ACOX3: variants seen among roughly 807,000 people sequenced by gnomAD.
ACOX3 encodes the protein acyl-CoA oxidase 3, pristanoyl.
ACOX3 carries 73 observed loss-of-function variants against 81.5 expected under a neutral mutation model. The ratio of observed to expected loss-of-function variants is 0.90; its 90% confidence interval spans 0.74 to 1.09. The LOEUF (loss-of-function observed/expected upper bound fraction) is 1.09, where lower values mean the gene tolerates loss of function less well. Among genes scored for constraint, ACOX3 ranks in the 50% least tolerant of loss-of-function variants. The probability of loss-of-function intolerance (pLI) is 0.00; values close to 1 mark genes in which losing one functional copy is unlikely to be tolerated. For synonymous variants in ACOX3, 387 were observed against 375.1 expected (o/e 1.03, Z -0.37); for missense variants, 947 against 928.0 (o/e 1.02, Z -0.27).
intron 7 of ACOX3, among the ~76,000 whole-genome samples, chr4:8,403,163 A>C (rs1247159382): frequency 6.6e-6 from 1 of 152,252 alleles, no homozygotes; most frequent in Non-Finnish European, 1.5e-5. Context: ...GTCATCCCAC[A>C]TACTCAGGAG....
intron 7 of ACOX3, among the ~76,000 whole-genome samples, chr4:8,402,441 G>A (rs753745973): frequency 3.9e-5 from 6 of 152,164 alleles, no homozygotes; most frequent in African/African-American, 7.2e-5. Context: ...TGGCCCCAGC[G>A]TGCTCCAGCC....
chr4:8,425,268 A>C (rs901777974), intron 1 of ACOX3, among the ~76,000 whole-genome samples: 2 of 152,150 alleles, frequency 1.3e-5, no homozygotes, highest in African/African-American at 4.8e-5. Context: ...ACCCTCCATT[A>C]GAAATGCTTA....
chr4:8,407,221 G>C lies in ACOX3; in HGVS notation c.688-1178C>G, dbSNP rs924712201. ...TGGTTTTTCCTAGGTTATGATTATA[G>C]AGCGAGGATTATTATAATATTGGGA... On this transcript the variant is annotated intron_variant, in intron 6 of 17. Coordinates refer to ENST00000356406, the MANE Select transcript of ACOX3 (RefSeq NM_003501.3). This position sits in a 1 kb window ranked among gnomAD's most constrained non-coding sequence, Gnocchi z 4.6. Among the ~76,000 whole-genome samples, 1 of 152,208 alleles carries C rather than the reference G, an allele frequency of 6.6e-6. No individual in the cohort carries two copies. Among genetic ancestry groups the C allele is most frequent in the Non-Finnish European group, 1.5e-5 (1 of 68,046 alleles).
At chr4:8,372,482 T>C (rs1362705101) in intron 16 of ACOX3, among the ~76,000 whole-genome samples, 2 of 152,142 alleles carry the variant, frequency 1.3e-5, no homozygotes, top group African/African-American at 4.8e-5. Context: ...ACCTGCATAC[T>C]CTGAAGGCCT....
chr4:8,439,424 T>C (rs1724456036), intron 1 of ACOX3: 1 of 152,228 alleles, frequency 6.6e-6, no homozygotes, highest in South Asian at 2.1e-4. Context: ...CGTTTCTTCA[T>C]GTTATGTTTA....
rs904356450 is a variant in ACOX3, at chr4:8,381,264, C to T, written c.1653+228G>A. Among the ~76,000 whole-genome samples the T allele has an allele frequency of 5.3e-5, 8 of 152,126 alleles. No homozygotes were observed. Among genetic ancestry groups the T allele is most frequent in the South Asian group, 2.1e-4 (1 of 4,822 alleles). ...TTTACGGGCTGGGAACCGTCAGGCA[C>T]GGTAAATGTAACATCCATGACCTCC... is the stretch of plus-strand genomic sequence containing the variant. On this transcript the variant is annotated intron_variant, in intron 14 of 17. Transcript: ENST00000356406. The surrounding 1 kb of genome is among the most constrained non-coding windows in gnomAD (Gnocchi z 4.3).
chr4:8,379,336 C>G (rs1430307942), intron 14 of ACOX3, among the ~76,000 whole-genome samples: 1 of 152,166 alleles, frequency 6.6e-6, no homozygotes, highest in Non-Finnish European at 1.5e-5. Flanking sequence ...TCACAAATGT[C>G]CCCTGCTCTT....
At chr4:8,367,547 G>A (rs565570769) in intron 17 of ACOX3, among the ~76,000 whole-genome samples, 1 of 151,936 alleles carries the variant, frequency 6.6e-6, no homozygotes, top group South Asian at 2.1e-4. Context: ...ACTTTTTAGA[G>A]AAATTTTAAA....
chr4:8,381,938 C>T lies in ACOX3; in HGVS notation c.1538-331G>A, dbSNP rs116834870. ...AGTGGGACGGCTGCACGTTCTCGCA[C>T]GCACCAGGCTCGGTCTGTGTGAAGC... On this transcript the variant is annotated intron_variant, in intron 13 of 17. Transcript: ENST00000356406. This position sits in a 1 kb window ranked among gnomAD's most constrained non-coding sequence, Gnocchi z 4.3. Among the ~76,000 whole-genome samples the T allele has an allele frequency of 3.4e-3, 520 of 152,378 alleles. 2 individuals carry two copies. Among genetic ancestry groups the T allele is most frequent in the South Asian group, 7.0e-3 (34 of 4,830 alleles).
In ACOX3 at chr4:8,430,829, C is replaced by A. The variant is rs958898834; in HGVS notation, c.-15+9819G>T. ...CAAGGTAGCACCATTGCACTCCAGC[C>A]TGGGTGACAAGAGTGAAACTCCATC... On this transcript the variant is annotated intron_variant, in intron 1 of 17. Coordinates refer to ENST00000356406, the MANE Select transcript of ACOX3 (RefSeq NM_003501.3). This position sits in a 1 kb window ranked among gnomAD's most constrained non-coding sequence, Gnocchi z 5.2. 1.3e-5 allele frequency among the ~76,000 whole-genome samples: 2 copies of A among 152,180 alleles called. No homozygotes were observed. The highest frequency in any genetic ancestry group is 4.8e-5 in the African/African-American group (2 of 41,444).
In ACOX3 at chr4:8,386,800, G is replaced by T. The variant is rs569877072; in HGVS notation, c.1537+2373C>A. ...GCGCTGGGAAGCCGGACCGGCCCAG[G>T]CTCCACACCGGCTTCGGCCACGGCT... On this transcript the variant is annotated intron_variant, in intron 13 of 17. Transcript: ENST00000356406. The surrounding 1 kb of genome is among the most constrained non-coding windows in gnomAD (Gnocchi z 5.2). 6.6e-6 allele frequency among the ~76,000 whole-genome samples: 1 copy of T among 152,340 alleles called. No individual in the cohort carries two copies. The highest frequency in any genetic ancestry group is 1.5e-5 in the Non-Finnish European group (1 of 68,026).
rs1228119092 is a variant in ACOX3, at chr4:8,416,801, G to C, written c.-14-266C>G. ...CAGCCTGGGGGTCACCAGGCACACA[G>C]GGCAGAGGGTTTGTCAGAGTCTTGT... On this transcript the variant is annotated intron_variant, in intron 1 of 17. Coordinates refer to ENST00000356406, the MANE Select transcript of ACOX3 (RefSeq NM_003501.3). The surrounding 1 kb of genome is among the most constrained non-coding windows in gnomAD (Gnocchi z 4.2). Among the ~76,000 whole-genome samples the C allele has an allele frequency of 6.6e-6, 1 of 152,246 alleles. No individual in the cohort carries two copies. Among genetic ancestry groups the C allele is most frequent in the Non-Finnish European group, 1.5e-5 (1 of 68,042 alleles).
intron 1 of ACOX3, among the ~76,000 whole-genome samples, chr4:8,420,993 G>A (rs1047339447): frequency 1.3e-5 from 2 of 152,138 alleles, no homozygotes; most frequent in Non-Finnish European, 2.9e-5. Flanking sequence ...AACACTCACC[G>A]CATGGCCCAA....
Position 8,406,375 on chromosome 4 carries a change from C to T in ACOX3, c.688-332G>A, listed in dbSNP as rs767937316. ...TGGGGAAGAGGGGGCCATGTGGAGA[C>T]GGAGGCACAGAGTACAGCGCTGGGG... On this transcript the variant is annotated intron_variant, in intron 6 of 17. Coordinates refer to ENST00000356406, the MANE Select transcript of ACOX3 (RefSeq NM_003501.3). The surrounding 1 kb of genome is among the most constrained non-coding windows in gnomAD (Gnocchi z 5.6). Among the ~76,000 whole-genome samples, 18 of 152,068 alleles carry T rather than the reference C, an allele frequency of 1.2e-4. No homozygotes were observed. The highest frequency in any genetic ancestry group is 6.2e-4 in the South Asian group (3 of 4,820).
rs1716036040 is a variant in ACOX3 at position 8,370,454 on chromosome 4, A to T, written c.1983+454T>A. Among the ~76,000 whole-genome samples the T allele has an allele frequency of 6.6e-6, 1 of 151,426 alleles. No homozygotes were observed. The highest frequency in any genetic ancestry group is 1.5e-5 in the Non-Finnish European group (1 of 67,908). On this transcript the variant is annotated intron_variant, in intron 17 of 17. Coordinates refer to ENST00000356406, the MANE Select transcript of ACOX3 (RefSeq NM_003501.3). This position sits in a 1 kb window ranked among gnomAD's most constrained non-coding sequence, Gnocchi z 6.3. ...CGGTTGGGGGAAAGCGGGGCAGGGG[A>T]GAGTAACCCCGGTGACAACCATGGA...
At chr4:8,440,022 AC>A (rs1724508876) in intron 1 of ACOX3, among the ~76,000 whole-genome samples, 1 of 152,028 alleles carries the variant, frequency 6.6e-6, no homozygotes, top group Non-Finnish European at 1.5e-5. Context: ...AATAACATCA[AC>A]CCCCGACCTA....
intron 15 of ACOX3, chr4:8,374,006 CAG>C: frequency 4.5e-6 from 1 of 224,070 alleles, no homozygotes; most frequent in Middle Eastern, 1.6e-3. Flanking sequence ...GGGTGCATGG[CAG>C]GGGGCGCAGG....
rs1717756622 is a variant in ACOX3 at position 8,382,275 on chromosome 4, T to C, written c.1538-668A>G. Reference sequence around the variant, plus strand: ...CTGGAGACCCCCCTTCGTCCTCCCCTTCCCCTGGCAGTGGTGCCCACATCT... The same window carrying C: ...CTGGAGACCCCCCTTCGTCCTCCCCCTCCCCTGGCAGTGGTGCCCACATCT... On this transcript the variant is annotated intron_variant, in intron 13 of 17. Transcript: ENST00000356406. This position sits in a 1 kb window ranked among gnomAD's most constrained non-coding sequence, Gnocchi z 4.1. 6.6e-6 allele frequency among the ~76,000 whole-genome samples: 1 copy of C among 152,206 alleles called. No individual in the cohort carries two copies. The highest frequency in any genetic ancestry group is 1.5e-5 in the Non-Finnish European group (1 of 68,008).
At chr4:8,360,356 T>C in the ACOX3 span, among the ~76,000 whole-genome samples, 1 of 152,248 alleles carries the variant, frequency 6.6e-6, no homozygotes, top group African/African-American at 2.4e-5. Context: ...AATAAGGAGT[T>C]TTAAAGATTA....
Sources: gnomAD v4.1 joint callset for allele counts (sites outside exome capture counted in the v4.1 genomes callset) on GRCh38, gnomAD v4.1.1 for gene constraint, Gnocchi (gnomAD v3.1) non-coding constraint, MANE v1.5 for transcripts, NCBI Gene and HGNC (gene_info 2026-07-23, HGNC 2026-07-21) for gene names.